Variants in AFF3 observed in about 807,000 individuals in gnomAD.
AFF3 encodes the protein ALF transcription elongation factor 3, also known as AF4/FMR2 family member 3.
Under a neutral mutation model 129.7 loss-of-function variants are expected in AFF3, and 32 were observed. The ratio of observed to expected loss-of-function variants is 0.25; its 90% CI spans 0.19 to 0.33. The LOEUF is 0.33. AFF3 is among the 10% of genes least tolerant of loss of function. The pLI is 1.00. For synonymous variants in AFF3, 644 were observed against 635.4 expected (o/e 1.01, Z -0.20); for missense variants, 1,373 against 1,592.0 (o/e 0.86, Z 2.34).
intron 7 of AFF3, among the ~76,000 whole-genome samples, chr2:99,984,092 G>C (rs1339573520): frequency 6.6e-6 from 1 of 152,086 alleles, no homozygotes; most frequent in Non-Finnish European, 1.5e-5. Flanking sequence ...AATAAGCTTT[G>C]TTTTTGCATT....
chr2:100,117,949 T>G (rs1414060739), intron 2 of AFF3, among the ~76,000 whole-genome samples: 1 of 152,010 alleles, frequency 6.6e-6, no homozygotes, highest in African/African-American at 2.4e-5. Context: ...TGTACTCGAG[T>G]TTTCCCCATT....
intron 11 of AFF3, among the ~76,000 whole-genome samples, chr2:99,721,699 T>C (rs1678908242): frequency 6.6e-6 from 1 of 152,244 alleles, no homozygotes; most frequent in Non-Finnish European, 1.5e-5. Context: ...TTTCTCTGGC[T>C]GTCTTAAAGA....
At chr2:99,633,905 C>T (rs1376363957) in intron 13 of AFF3, among the ~76,000 whole-genome samples, 2 of 148,076 alleles carry the variant, frequency 1.4e-5, no homozygotes, top group Admixed American at 6.9e-5. Flanking sequence ...TCTTTTCTTC[C>T]TTCCTTTTTT....
At chr2:99,791,151 T>C (rs1685160195) in intron 8 of AFF3, among the ~76,000 whole-genome samples, 1 of 152,206 alleles carries the variant, frequency 6.6e-6, no homozygotes, top group Non-Finnish European at 1.5e-5. Context: ...GGCCTGGGGA[T>C]AGGAGAGTAA....
At chr2:99,726,682 A>G (rs1325192895) in intron 11 of AFF3, among the ~76,000 whole-genome samples, 1 of 152,238 alleles carries the variant, frequency 6.6e-6, no homozygotes, top group Non-Finnish European at 1.5e-5. Context: ...ACATAATTCC[A>G]AGGTGAGGTT....
chr2:99,705,105 G>T (rs1326560593), intron 11 of AFF3, among the ~76,000 whole-genome samples: 1 of 152,226 alleles, frequency 6.6e-6, no homozygotes, highest in Non-Finnish European at 1.5e-5. Flanking sequence ...TGTCAATGGG[G>T]TTCCATGCTG....
At chr2:99,633,136 C>T (rs972454124) in intron 13 of AFF3, among the ~76,000 whole-genome samples, 5 of 152,016 alleles carry the variant, frequency 3.3e-5, no homozygotes, top group African/African-American at 7.3e-5. Flanking sequence ...TGCTGAGAGG[C>T]GGACGGGTGA....
At chr2:99,781,899 A>T (rs911294669) in intron 8 of AFF3, among the ~76,000 whole-genome samples, 4 of 152,206 alleles carry the variant, frequency 2.6e-5, no homozygotes, top group Non-Finnish European at 5.9e-5. Flanking sequence ...AAATAAAGAA[A>T]AAAAAAATCT....
At chr2:99,635,711 C>A (rs572024667) in intron 13 of AFF3, among the ~76,000 whole-genome samples, 1 of 152,306 alleles carries the variant, frequency 6.6e-6, no homozygotes, top group East Asian at 1.9e-4. Context: ...CACCCCTAAA[C>A]CTGGCTCTAC....
chr2:100,008,131 G>A (rs772744466), intron 5 of AFF3, among the ~76,000 whole-genome samples: 1 of 152,274 alleles, frequency 6.6e-6, no homozygotes, highest in African/African-American at 2.4e-5. Flanking sequence ...TTGTAGTCCC[G>A]TTAGAAGCTT....
At chr2:99,817,688 G>A (rs1468188826) in intron 8 of AFF3, among the ~76,000 whole-genome samples, 2 of 152,124 alleles carry the variant, frequency 1.3e-5, no homozygotes, top group Non-Finnish European at 2.9e-5. Context: ...TGCCCAGCCT[G>A]TTGCTGTTTT....
At chr2:99,965,651 A>C (rs1677670948) in intron 7 of AFF3, among the ~76,000 whole-genome samples, 1 of 152,188 alleles carries the variant, frequency 6.6e-6, no homozygotes, top group Admixed American at 6.5e-5. Context: ...TTCTGGTTTC[A>C]CATGTTTGTC....
rs1678191806 is a variant in AFF3 at position 99,587,075 on chromosome 2, C to A, written c.2591+79G>T. ...CCAGAGTAGTCCTCAAAAAGCCTGACCCTCCTCCAACATAGCAGGTGACTT... is the reference window on the plus strand; with the variant it reads ...CCAGAGTAGTCCTCAAAAAGCCTGAACCTCCTCCAACATAGCAGGTGACTT... On this transcript the variant is annotated intron_variant, in intron 16 of 24. Transcript: ENST00000672756. The A allele has an allele frequency of 3.2e-6, 5 of 1,583,714 alleles. No individual in the cohort carries two copies. In the South Asian group the frequency reaches 3.5e-5, roughly 11 times the overall value.
At chr2:100,091,992 A>G (rs1049481185) in intron 4 of AFF3, among the ~76,000 whole-genome samples, 1 of 148,038 alleles carries the variant, frequency 6.8e-6, no homozygotes, top group Non-Finnish European at 1.5e-5. Context: ...CCTGCAGCCT[A>G]CTTCTCATTC....
In AFF3 at chr2:99,727,087, A is replaced by C; in HGVS notation, c.1081T>G (p.Ser361Ala). Residue 361 changes from serine (S) to alanine (A), a missense_variant, in exon 11 of 25, where the codon TCG becomes GCG. By Grantham distance (99) the Ser-to-Ala change is moderately conservative. This residue lies in a region of AFF3 where 413 missense variants were observed against 424.4 expected (regional missense o/e 0.97). Transcript: ENST00000672756. ...ATGAAAGAAACTTACGATGTATTCG[A>C]TGTGCCATTGTCTGGACTCTCTGGC... ...AEPESPDNGTSNTSMLEDDLK... is the reference protein window; with the variant it reads ...AEPESPDNGTANTSMLEDDLK... 1.9e-6 allele frequency: 3 copies of C among 1,605,986 alleles called. No individual in the cohort carries two copies. The highest frequency in any genetic ancestry group is 2.5e-6 in the Non-Finnish European group (3 of 1,177,962).
intron 4 of AFF3, among the ~76,000 whole-genome samples, chr2:100,038,601 C>T (rs146853987): frequency 6.6e-6 from 1 of 152,220 alleles, no homozygotes; most frequent in East Asian, 1.9e-4. Flanking sequence ...TCCAAAATCT[C>T]CCCATGATGT....
At chr2:100,057,320 C>CAAAA (rs57672976) in intron 4 of AFF3, among the ~76,000 whole-genome samples, 28 of 55,020 alleles carry the variant, frequency 5.1e-4, no homozygotes, top group South Asian at 9.7e-4. Context: ...GACTCTGTCT[C>CAAAA]AAAAAAAAAA....
chr2:99,909,229 C>G (rs896726051), intron 7 of AFF3, among the ~76,000 whole-genome samples: 1 of 151,150 alleles, frequency 6.6e-6, no homozygotes, highest in Non-Finnish European at 1.5e-5. Flanking sequence ...AGCAAACTAT[C>G]GCAAGGACAA....
chr2:99,631,950 C>T (rs1205095094), intron 13 of AFF3, among the ~76,000 whole-genome samples: 2 of 149,450 alleles, frequency 1.3e-5, no homozygotes, highest in Non-Finnish European at 3.0e-5. Context: ...GTGTCTGCAC[C>T]ATTTTAGTTC....
Sources: allele counts gnomAD v4.1 joint callset (sites outside exome capture counted in the v4.1 genomes callset), GRCh38; gene constraint gnomAD v4.1.1; regional missense constraint gnomAD v4.1.1; transcripts MANE v1.5; gene names NCBI Gene and HGNC (gene_info 2026-07-23, HGNC 2026-07-21).